The following RNF121 variants were observed in gnomAD, a reference collection of about 807,000 sequenced individuals.
The protein encoded by RNF121 is ring finger protein 121.
A neutral mutation model predicts 46.5 loss-of-function variants in RNF121; 21 were observed. That is an observed-to-expected ratio of 0.45 (90% CI 0.32 to 0.65). The LOEUF is 0.65. RNF121 is among the 30% of genes least tolerant of loss of function. RNF121 has a pLI of 0.04. For synonymous variants in RNF121, 139 were observed against 144.7 expected (o/e 0.96, Z 0.28); for missense variants, 346 against 416.0 (o/e 0.83, Z 1.46).
chr11:71,935,146 T>C (rs1953377385), intron 1 of RNF121, among the ~76,000 whole-genome samples: 1 of 152,170 alleles, frequency 6.6e-6, no homozygotes, highest in Non-Finnish European at 1.5e-5. Context: ...TTGCTCAGAC[T>C]GGTCTCGAAC....
chr11:71,970,041 A>G (rs935688906), intron 3 of RNF121, among the ~76,000 whole-genome samples: 5 of 152,218 alleles, frequency 3.3e-5, no homozygotes, highest in African/African-American at 1.2e-4. Flanking sequence ...ATGTTATTAA[A>G]TAATTAATGT....
At chr11:71,948,513 CAAAAAAAAAA>C (rs55762433) in intron 1 of RNF121, among the ~76,000 whole-genome samples, 8 of 35,342 alleles carry the variant, frequency 2.3e-4, no homozygotes, top group Admixed American at 1.1e-3. Context: ...AAACTGTCTC[CAAAAAAAAAA>C]AAAAAAAAAA....
chr11:71,950,062 C>CA lies in RNF121; in HGVS notation c.64-7159dup, dbSNP rs554635307. 4.5e-3 allele frequency among the ~76,000 whole-genome samples: 676 copies of CA among 151,790 alleles called. 6 individuals carry two copies. Among genetic ancestry groups the CA allele is most frequent in the African/African-American group, 0.015 (640 of 41,416 alleles). ...CTCGCACAAAAAACCCAAAAACAAA[C>CA]AAAAAATATAAAAAAAAGAATTCTC... On this transcript the variant is annotated intron_variant, in intron 1 of 8. Transcript: ENST00000361756.
At chr11:71,973,568 C>T (rs1419770699) in intron 3 of RNF121, among the ~76,000 whole-genome samples, 1 of 152,122 alleles carries the variant, frequency 6.6e-6, no homozygotes, top group African/African-American at 2.4e-5. Context: ...GGGCAGATCA[C>T]CTGAGGTTGG....
chr11:71,957,324 A>C, intron 2 of RNF121, 60 bp downstream of exon 2: 1 of 1,084,244 alleles, frequency 9.2e-7, no homozygotes, highest in Non-Finnish European at 1.4e-6. Flanking sequence ...AGCTTAATTG[A>C]GTGATATGTC....
intron 1 of RNF121, among the ~76,000 whole-genome samples, chr11:71,940,441 A>T (rs532376810): frequency 1.8e-4 from 27 of 152,308 alleles, no homozygotes; most frequent in South Asian, 1.0e-3. Flanking sequence ...TTCATGGATG[A>T]TTTGAATTTC....
chr11:71,930,602 C>T (rs1953255732), intron 1 of RNF121, among the ~76,000 whole-genome samples: 4 of 152,120 alleles, frequency 2.6e-5, no homozygotes. Flanking sequence ...TGGAAATGAC[C>T]TCCAAGACCC....
chr11:71,931,895 A>G (rs1404763496), intron 1 of RNF121, among the ~76,000 whole-genome samples: 1 of 152,214 alleles, frequency 6.6e-6, no homozygotes, highest in Admixed American at 6.5e-5. Context: ...CGAGATTATA[A>G]TTGGGTAATG....
intron 6 of RNF121, 41 bp from the exon 7 acceptor site, chr11:71,994,678 C>A (rs747635558): frequency 2.0e-5 from 33 of 1,611,826 alleles, no homozygotes; most frequent in Non-Finnish European, 2.6e-5. Context: ...GGCTGCTTCT[C>A]ACATCTTTTC....
intron 6 of RNF121, among the ~76,000 whole-genome samples, chr11:71,992,109 A>C (rs901282905): frequency 1.3e-5 from 2 of 152,236 alleles, no homozygotes; most frequent in Non-Finnish European, 2.9e-5. Flanking sequence ...GTCTCTAAAT[A>C]AGTAAAAATT....
In RNF121 at chr11:71,942,006, C is replaced by T. The variant is rs1393758689; in HGVS notation, c.63+12882C>T. ...GGAGTGCAGTAGCGCGATCTTGGCT[C>T]GCTGCAAGCTCCGCCTCCTGGGTTC... On this transcript the variant is annotated intron_variant, in intron 1 of 8. Coordinates refer to ENST00000361756, the MANE Select transcript of RNF121 (RefSeq NM_018320.5). Among the ~76,000 whole-genome samples, 11 of 149,686 alleles carry T rather than the reference C, an allele frequency of 7.3e-5. No homozygotes were observed. In the South Asian group the frequency reaches 8.4e-4, roughly 11 times the overall value.
chr11:71,945,403 C>T (rs1158332265), intron 1 of RNF121, among the ~76,000 whole-genome samples: 1 of 152,114 alleles, frequency 6.6e-6, no homozygotes, highest in African/African-American at 2.4e-5. Flanking sequence ...GATGGCTTTC[C>T]CAGTTCCTCT....
intron 1 of RNF121, among the ~76,000 whole-genome samples, chr11:71,932,087 A>G (rs1041563004): frequency 6.6e-6 from 1 of 152,202 alleles, no homozygotes. Flanking sequence ...TTTCATTAAT[A>G]CTTTCTCTAG....
At chr11:71,953,960 T>A (rs2134168868) in intron 1 of RNF121, among the ~76,000 whole-genome samples, 1 of 152,356 alleles carries the variant, frequency 6.6e-6, no homozygotes, top group African/African-American at 2.4e-5. Context: ...TTTGGTTTAA[T>A]GTCTTTCAAA....
intron 3 of RNF121, among the ~76,000 whole-genome samples, chr11:71,963,283 C>T (rs1024079998): frequency 2.0e-5 from 3 of 151,968 alleles, no homozygotes; most frequent in Non-Finnish European, 2.9e-5. Context: ...GAATCCATTG[C>T]CAAGTCCAAG....
chr11:71,975,500 G>T (rs1192543801), intron 3 of RNF121, among the ~76,000 whole-genome samples: 2 of 152,210 alleles, frequency 1.3e-5, no homozygotes, highest in Admixed American at 6.5e-5. Flanking sequence ...CTTCCTTGGA[G>T]GGGGGTGGGT....
At chr11:71,946,803 C>T (rs1057119714) in intron 1 of RNF121, among the ~76,000 whole-genome samples, 2 of 151,192 alleles carry the variant, frequency 1.3e-5, no homozygotes, top group African/African-American at 4.9e-5. Context: ...GCCTCTGCCT[C>T]CCGGGTTCAA....
intron 3 of RNF121, among the ~76,000 whole-genome samples, chr11:71,966,507 G>A (rs560369309): frequency 6.6e-6 from 1 of 151,222 alleles, no homozygotes. Flanking sequence ...TAAGATACAG[G>A]ATCTCAGTCT....
At chr11:71,985,023 C>A (rs577373430) in intron 4 of RNF121, among the ~76,000 whole-genome samples, 86 of 152,182 alleles carry the variant, frequency 5.7e-4, no homozygotes, top group Non-Finnish European at 1.5e-5. Flanking sequence ...CTAGGCTCAA[C>A]CAATTTTCCC....
Sources: allele counts gnomAD v4.1 joint callset (sites outside exome capture counted in the v4.1 genomes callset), GRCh38; gene constraint gnomAD v4.1.1; transcripts MANE v1.5; gene names NCBI Gene and HGNC (gene_info 2026-07-23, HGNC 2026-07-21).